Variants in CYP27B1 observed in about 807,000 individuals in gnomAD.
CYP27B1 encodes 25-hydroxyvitamin D-1 alpha hydroxylase, mitochondrial.
In CYP27B1, 46 loss-of-function variants were observed where a neutral mutation model predicts 54.8. That is an observed-to-expected ratio of 0.84 (90% confidence interval 0.66 to 1.07). The LOEUF is 1.07. Among genes scored for constraint, CYP27B1 ranks in the 50% least tolerant of loss-of-function variants. The probability of loss-of-function intolerance (pLI) is 0.00; values close to 1 mark genes in which losing one functional copy is unlikely to be tolerated. For synonymous variants in CYP27B1, 292 were observed against 297.3 expected (o/e 0.98, Z 0.18); for missense variants, 674 against 692.2 (o/e 0.97, Z 0.30).
In CYP27B1 at chr12:57,766,976, G is replaced by T. The variant is rs759285613; in HGVS notation, c.66C>A (p.Gly22=). Residue 22 remains glycine, a synonymous_variant, in exon 1 of 9, where the codon GGC becomes GGA. Coordinates refer to ENST00000228606, the MANE Select transcript of CYP27B1 (RefSeq NM_000785.4). The part of the protein sequence containing the change: ...FHRVRWAPEL[G]ASLGYREYHS... ...GGTACTCTCGGTAGCCTAGGGAGGC[G>T]CCCAACTCGGGCGCCCAGCGGACGC... 8.7e-5 allele frequency: 141 copies of T among 1,614,070 alleles called. No individual in the cohort carries two copies. The highest frequency in any genetic ancestry group is 1.1e-4 in the Non-Finnish European group (133 of 1,180,032).
In CYP27B1 at chr12:57,765,481, T is replaced by C. The variant is rs768968235; in HGVS notation, c.405A>G (p.Gln135=). Residue 135 remains glutamine (Q), a synonymous_variant, in exon 3 of 9, where the codon CAA becomes CAG. Transcript: ENST00000228606. The surrounding 1 kb of genome is among the most constrained non-coding windows in gnomAD (Gnocchi z 5.8). The part of the protein sequence containing the change: ...GLLTAEGEEW[Q]RLRSLLAPLL... Reference sequence around the variant, plus strand: ...GCGGGGCCAGGAGACTGCGGAGCCTTTGCCATTCTTCGCCTTCCCTGCAGG... The same window carrying C: ...GCGGGGCCAGGAGACTGCGGAGCCTCTGCCATTCTTCGCCTTCCCTGCAGG... 1 of 1,611,772 alleles carries C rather than the reference T, an allele frequency of 6.2e-7. No homozygotes were observed. Among genetic ancestry groups the C allele is most frequent in the African/African-American group, 1.3e-5 (1 of 75,050 alleles).
In CYP27B1 at chr12:57,764,369, C is replaced by A. The variant is rs750331984; in HGVS notation, c.1136+9G>T. The A allele has an allele frequency of 1.9e-6, 3 of 1,613,996 alleles. No homozygotes were observed. Among genetic ancestry groups the A allele is most frequent in the Middle Eastern group, 1.6e-4 (1 of 6,082 alleles). On this transcript the variant is annotated intron_variant, in intron 6 of 8. Transcript: ENST00000228606. ...ATTTCCTCTTGTTCCTCCTCTCCTTCCCCCTCACCTTAGCACTTCCTTGAC... is the reference window on the plus strand; with the variant it reads ...ATTTCCTCTTGTTCCTCCTCTCCTTACCCCTCACCTTAGCACTTCCTTGAC...
Position 57,763,045 on chromosome 12 carries a change from G to T in CYP27B1, c.*97C>A. 2.3e-6 allele frequency: 2 copies of T among 852,490 alleles called. No individual in the cohort carries two copies. Among genetic ancestry groups the T allele is most frequent in the Non-Finnish European group, 3.9e-6 (2 of 511,098 alleles). The allele number at this position is 852,490 out of a possible 1,614,324, so 52.8% of individuals were successfully genotyped here. ...GGTTCTATCCAGTTTGGTCAGATAGGCATTAGGGGAAGATGTATACCTTGG... is the reference window on the plus strand; with the variant it reads ...GGTTCTATCCAGTTTGGTCAGATAGTCATTAGGGGAAGATGTATACCTTGG... On this transcript the variant is annotated 3_prime_UTR_variant, in exon 9 of 9. Coordinates refer to ENST00000228606, the MANE Select transcript of CYP27B1 (RefSeq NM_000785.4).
rs935422610 is a variant in CYP27B1 at position 57,763,923 on chromosome 12, T to C, written c.1216-115A>G. The stretch of plus-strand genomic sequence containing the variant: ...CCTGGTGGGTGATGGGGAAGTTTTC[T>C]GGGGCTACTTTTGGAAGGATCTCCC... On this transcript the variant is annotated intron_variant, in intron 7 of 8. Coordinates refer to ENST00000228606, the MANE Select transcript of CYP27B1 (RefSeq NM_000785.4). The C allele has an allele frequency of 3.4e-6, 4 of 1,171,300 alleles. No homozygotes were observed. The Admixed American group carries it at 7.8e-5, about 23-fold the overall frequency. 72.6% of individuals were successfully genotyped at this position (1,171,300 alleles called of 1,614,324 possible).
Position 57,764,902 on chromosome 12 carries a change from T to C in CYP27B1, c.815A>G (p.Glu272Gly), listed in dbSNP as rs1283690646. 3 of 1,614,018 alleles carry C rather than the reference T, an allele frequency of 1.9e-6. No individual in the cohort carries two copies. Among genetic ancestry groups the C allele is most frequent in the African/African-American group, 2.7e-5 (2 of 74,932 alleles). Residue 272 changes from glutamate (E) to glycine (G), a missense_variant, in exon 5 of 9, where the codon GAG (glutamate) becomes GGG (glycine). Glu to Gly is a moderately conservative substitution (Grantham distance 98). Transcript: ENST00000228606. ...TCCGTTCCTCATGGCTGCCTCTGCCTCTCGCCGCTCCACGTGCCTCTGAGC... is the reference window on the plus strand; with the variant it reads ...TCCGTTCCTCATGGCTGCCTCTGCCCCTCGCCGCTCCACGTGCCTCTGAGC... Reference protein sequence around the residue: ...AFAQRHVERREAEAAMRNGGQ... With the variant: ...AFAQRHVERRGAEAAMRNGGQ...
chr12:57,765,902 G>T lies in CYP27B1; in HGVS notation c.386+105C>A. On this transcript the variant is annotated intron_variant, in intron 2 of 8. Transcript: ENST00000228606. The surrounding 1 kb of genome is among the most constrained non-coding windows in gnomAD (Gnocchi z 5.8). ...CCCCAAGATGCCCAATGGTAGAGTGGGACAGCCGACCTCCCACCATGCCCC... is the reference window on the plus strand; with the variant it reads ...CCCCAAGATGCCCAATGGTAGAGTGTGACAGCCGACCTCCCACCATGCCCC... 6.9e-7 allele frequency: 1 copy of T among 1,443,000 alleles called. No homozygotes were observed. The highest frequency in any genetic ancestry group is 1.4e-5 in the South Asian group (1 of 68,966). The allele number at this position is 1,443,000 out of a possible 1,614,324, so 89.4% of individuals were successfully genotyped here.
chr12:57,763,317 TA>T (rs1185194871), intron 8 of CYP27B1, 62 bp from the exon 9 acceptor site: 1 of 1,257,694 alleles, frequency 8.0e-7, no homozygotes. Context: ...GATTCATTGG[TA>T]ATCCAATTGG....
At chr12:57,766,568 C>T (rs1565811894) in intron 1 of CYP27B1, 2 of 582,480 alleles carry the variant, frequency 3.4e-6, no homozygotes, top group Non-Finnish European at 6.1e-6. Context: ...GTACTGCCCA[C>T]TCCGGCCTCC....
In CYP27B1 at chr12:57,764,900, C is replaced by T. The variant is rs1445851513; in HGVS notation, c.817G>A (p.Ala273Thr). The change falls in exon 5 of 9, where the codon GCA becomes ACA. Residue 273 changes from alanine to threonine, a missense_variant. Transcript: ENST00000228606. ...FAQRHVERRE[A>T]EAAMRNGGQP... Reference sequence around the variant, plus strand: ...CCTCCGTTCCTCATGGCTGCCTCTGCCTCTCGCCGCTCCACGTGCCTCTGA... The same window carrying T: ...CCTCCGTTCCTCATGGCTGCCTCTGTCTCTCGCCGCTCCACGTGCCTCTGA... 6 of 1,614,062 alleles carry T rather than the reference C, an allele frequency of 3.7e-6. No individual in the cohort carries two copies. Among genetic ancestry groups the T allele is most frequent in the Non-Finnish European group, 3.4e-6 (4 of 1,180,042 alleles).
chr12:57,766,161 C>T lies in CYP27B1; in HGVS notation c.232G>A (p.Ala78Thr), dbSNP rs768276712. The T allele has an allele frequency of 6.5e-7, 1 of 1,546,260 alleles. No homozygotes were observed. The change falls in exon 2 of 9, where the codon GCC (alanine) becomes ACC (threonine). Residue 78 changes from alanine to threonine, a missense_variant. Coordinates refer to ENST00000228606, the MANE Select transcript of CYP27B1 (RefSeq NM_000785.4). ...GAAHFGPVWL[A>T]SFGTVRTVYV... ...ACGGTGCGCACTGTCCCAAAGCTGGCTAGCCACACCGGCCCGAAGTGCGCG... is the reference window on the plus strand; with the variant it reads ...ACGGTGCGCACTGTCCCAAAGCTGGTTAGCCACACCGGCCCGAAGTGCGCG...
chr12:57,766,272 G>T, intron 1 of CYP27B1, 75 bp from the exon 2 acceptor site: 1 of 1,445,376 alleles, frequency 6.9e-7, no homozygotes, highest in Non-Finnish European at 9.1e-7. Context: ...CACGCCAAGG[G>T]CGTTGACTGG....
Position 57,762,425 on chromosome 12 carries a change from A to G in CYP27B1, c.*717T>C, listed in dbSNP as rs1016792693. The G allele has an allele frequency of 2.0e-5, 3 of 152,430 alleles. No individual in the cohort carries two copies. Among genetic ancestry groups the G allele is most frequent in the Admixed American group, 1.3e-4 (2 of 15,308 alleles). The allele number at this position is 152,430 out of a possible 1,614,324, so 9.4% of individuals were successfully genotyped here. A position where few individuals can be genotyped will look rare whatever the true frequency, so the allele number is the denominator to read the frequency against. The stretch of plus-strand genomic sequence containing the variant: ...CAGAGGCCTGGGCAGGGACAGGCCC[A>G]AAGATGTCTCTGCCTGAGAACTAAG... On this transcript the variant is annotated 3_prime_UTR_variant, in exon 9 of 9. Coordinates refer to ENST00000228606, the MANE Select transcript of CYP27B1 (RefSeq NM_000785.4).
At position 57,765,662 on chromosome 12, in the gene CYP27B1, C is replaced by T. The variant is rs1955354189; in HGVS notation, c.387-163G>A. The T allele has an allele frequency of 1.1e-6, 1 of 922,790 alleles. No homozygotes were observed. The highest frequency in any genetic ancestry group is 1.7e-6 in the Non-Finnish European group (1 of 576,666). 57.2% of individuals were successfully genotyped at this position (922,790 alleles called of 1,614,324 possible). On this transcript the variant is annotated intron_variant, in intron 2 of 8. Transcript: ENST00000228606. This position sits in a 1 kb window ranked among gnomAD's most constrained non-coding sequence, Gnocchi z 5.8. ...CGGCCTGCGCCTGTCTTCCAGCCCCCTTCCTCTTTACTCATTTCCTGCCCT... is the reference window on the plus strand; with the variant it reads ...CGGCCTGCGCCTGTCTTCCAGCCCCTTTCCTCTTTACTCATTTCCTGCCCT...
Position 57,765,891 on chromosome 12 carries a change from A to G in CYP27B1, c.386+116T>C, listed in dbSNP as rs1955355985. 4.9e-6 allele frequency: 7 copies of G among 1,436,862 alleles called. No individual in the cohort carries two copies. In the South Asian group the frequency reaches 5.9e-5, roughly 12 times the overall value. 89.0% of individuals were successfully genotyped at this position (1,436,862 alleles called of 1,614,324 possible). A position where few individuals can be genotyped will look rare whatever the true frequency, so the allele number is the denominator to read the frequency against. On this transcript the variant is annotated intron_variant, in intron 2 of 8. Coordinates refer to ENST00000228606, the MANE Select transcript of CYP27B1 (RefSeq NM_000785.4). This position sits in a 1 kb window ranked among gnomAD's most constrained non-coding sequence, Gnocchi z 5.8. ...TGGGATGGGAACCCCAAGATGCCCA[A>G]TGGTAGAGTGGGACAGCCGACCTCC...
intron 6 of CYP27B1, 84 bp from the exon 7 acceptor site, chr12:57,764,260 C>G: frequency 6.4e-7 from 1 of 1,566,752 alleles, no homozygotes; most frequent in Non-Finnish European, 8.8e-7. Flanking sequence ...CTTCCAAACC[C>G]TTTTTGGCCA....
rs1352231909 is a variant in CYP27B1, at chr12:57,765,462, C to A, written c.424G>T (p.Ala142Ser). 11 of 1,612,562 alleles carry A rather than the reference C, an allele frequency of 6.8e-6. No individual in the cohort carries two copies. Among genetic ancestry groups the A allele is most frequent in the Non-Finnish European group, 9.3e-6 (11 of 1,179,466 alleles). Residue 142 changes from alanine to serine, a missense_variant, in exon 3 of 9, where the codon GCC becomes TCC. Physicochemically the swap from Ala to Ser is moderately conservative, Grantham distance 99 (BLOSUM62 1). Coordinates refer to ENST00000228606, the MANE Select transcript of CYP27B1 (RefSeq NM_000785.4). This position sits in a 1 kb window ranked among gnomAD's most constrained non-coding sequence, Gnocchi z 5.8. ...GCTTGAGGCCGGAGGAGGAGCGGGGCCAGGAGACTGCGGAGCCTTTGCCAT... is the reference window on the plus strand; with the variant it reads ...GCTTGAGGCCGGAGGAGGAGCGGGGACAGGAGACTGCGGAGCCTTTGCCAT... The part of the protein sequence containing the change: ...EEWQRLRSLL[A>S]PLLLRPQAAA...
rs1475604216 is a variant in CYP27B1, at chr12:57,766,642, TTCGC to T, written c.195+201_195+204del. 1.3e-5 allele frequency: 8 copies of T among 633,304 alleles called. No homozygotes were observed. The African/African-American group carries it at 1.5e-4, about 12-fold the overall frequency. The allele number at this position is 633,304 out of a possible 1,614,324, so 39.2% of individuals were successfully genotyped here. ...CACCTCAGGACAGCGAGAAGGCGCT[TTCGC>T]AGCGCCCTCTGCTAAGAGTCGGGAC... On this transcript the variant is annotated intron_variant, in intron 1 of 8. Transcript: ENST00000228606.
chr12:57,764,638 G>A, intron 5 of CYP27B1, 88 bp from the exon 6 acceptor site: 1 of 1,586,226 alleles, frequency 6.3e-7, no homozygotes. Context: ...GCTACAGGGT[G>A]CTAAGCCAAG....
Position 57,765,592 on chromosome 12 carries a change from A to C in CYP27B1, c.387-93T>G, listed in dbSNP as rs762270379. 133 of 1,336,490 alleles carry C rather than the reference A, an allele frequency of 1.0e-4. No individual in the cohort carries two copies. Among genetic ancestry groups the C allele is most frequent in the Non-Finnish European group, 1.3e-4 (127 of 949,778 alleles). 82.8% of individuals were successfully genotyped at this position (1,336,490 alleles called of 1,614,324 possible). ...AGGAGCGCGTTCGGCTGCGGTGGCC[A>C]GGAGAGGGATTGCGTCTGCCCCCTT... On this transcript the variant is annotated intron_variant, in intron 2 of 8. Transcript: ENST00000228606. This position sits in a 1 kb window ranked among gnomAD's most constrained non-coding sequence, Gnocchi z 5.8.
Sources: gnomAD v4.1 joint callset for allele counts on GRCh38, gnomAD v4.1.1 for gene constraint, Gnocchi (gnomAD v3.1) non-coding constraint, MANE v1.5 for transcripts, NCBI Gene and HGNC (gene_info 2026-07-23, HGNC 2026-07-21) for gene names.